The following CLASP1 variants were observed in gnomAD, a reference collection of about 807,000 sequenced individuals.
CLASP1 encodes the protein cytoplasmic linker associated protein 1, also known as CLIP-associating protein 1.
A neutral mutation model predicts 192.3 loss-of-function variants in CLASP1; 38 were observed. The ratio of observed to expected loss-of-function variants is 0.20; its 90% confidence interval spans 0.15 to 0.26. The LOEUF (loss-of-function observed/expected upper bound fraction) is 0.26, where lower values mean the gene tolerates loss of function less well. Ranked by LOEUF, CLASP1 falls within the 10% of genes least tolerant of loss-of-function variation. The pLI, the probability that CLASP1 is intolerant of heterozygous loss-of-function variation, is 1.00. For synonymous variants in CLASP1, 691 were observed against 712.8 expected (o/e 0.97, Z 0.49); for missense variants, 1,433 against 1,932.5 (o/e 0.74, Z 4.85).
chr2:121,435,491 C>G (rs1439067543), intron 19 of CLASP1, among the ~76,000 whole-genome samples: 1 of 152,174 alleles, frequency 6.6e-6, no homozygotes, highest in Non-Finnish European at 1.5e-5. Flanking sequence ...TCAGGCTGGT[C>G]TTGACCTCCC....
chr2:121,348,672 A>G, exon 38 of CLASP1: 1 of 1,613,816 alleles, frequency 6.2e-7, no homozygotes, highest in Non-Finnish European at 8.5e-7. Context: ...CTCCGGGTGG[A>G]TGGAACTGGC....
intron 2 of CLASP1, among the ~76,000 whole-genome samples, chr2:121,545,237 C>A (rs912200647): frequency 5.9e-5 from 9 of 152,112 alleles, no homozygotes; most frequent in Non-Finnish European, 1.0e-4. Context: ...AAAATCAGCA[C>A]AGCAAGGGCA....
intron 30 of CLASP1, 135 bp downstream of exon 31, chr2:121,397,005 G>T: frequency 1.3e-6 from 1 of 775,004 alleles, no homozygotes; most frequent in Non-Finnish European, 2.1e-6. Context: ...GAGCTGGAGA[G>T]AGAAAAGGGC....
chr2:121,376,526 T>TGGGGGGGGGGGGGGGGGGAGGGGG (rs61313144), intron 34 of CLASP1, among the ~76,000 whole-genome samples: 3 of 105,132 alleles, frequency 2.9e-5, no homozygotes, highest in Admixed American at 1.0e-4. Flanking sequence ...TGGGAAGGGG[T>TGGGGGGGGGGGGGGGGGGAGGGGG]GGGGGGGGGG....
At chr2:121,401,586 T>G in exon 28 of CLASP1, 1 of 1,613,196 alleles carries the variant, frequency 6.2e-7, no homozygotes, top group South Asian at 1.1e-5. Flanking sequence ...TAAGTAATTG[T>G]GTGAGAAGAA....
At chr2:121,592,568 T>G (rs1216738880) in intron 2 of CLASP1, among the ~76,000 whole-genome samples, 1 of 152,208 alleles carries the variant, frequency 6.6e-6, no homozygotes, top group Non-Finnish European at 1.5e-5. Flanking sequence ...CAAAAACATA[T>G]GAAGCCAACT....
intron 8 of CLASP1, among the ~76,000 whole-genome samples, chr2:121,491,859 G>C (rs1197572462): frequency 6.6e-6 from 1 of 152,164 alleles, no homozygotes; most frequent in Non-Finnish European, 1.5e-5. Flanking sequence ...TAAAAATTAA[G>C]TCCATGGGTT....
intron 24 of CLASP1, 45 bp downstream of exon 25, chr2:121,410,821 T>C: frequency 8.6e-7 from 1 of 1,160,314 alleles, no homozygotes; most frequent in Non-Finnish European, 1.2e-6. Context: ...GAAATGCAGA[T>C]GAGTATTTCA....
intron 26 of CLASP1, among the ~76,000 whole-genome samples, chr2:121,402,299 A>C (rs1184466113): frequency 2.6e-5 from 4 of 152,234 alleles, no homozygotes; most frequent in Non-Finnish European, 5.9e-5. Flanking sequence ...ATATTAACAT[A>C]ATCATCATGC....
chr2:121,460,114 A>C lies in CLASP1; in HGVS notation c.1044T>G (p.Ile348Met), dbSNP rs1233506613. ...CAGCACCAGCCAAAAGTAAAGATCT[A>C]ATCTTTTTTAGCTAATGGAATAGAG... Residue 348 changes from isoleucine to methionine, a missense_variant, in exon 12 of 40, where the codon ATT (isoleucine) becomes ATG (methionine). Ile to Met is a conservative substitution (Grantham distance 10). Coordinates refer to ENST00000263710, the Ensembl canonical transcript of CLASP1. 2 of 1,611,232 alleles carry C rather than the reference A, an allele frequency of 1.2e-6. No homozygotes were observed. Among genetic ancestry groups the C allele is most frequent in the Admixed American group, 1.7e-5 (1 of 59,444 alleles).
intron 1 of CLASP1, among the ~76,000 whole-genome samples, chr2:121,636,293 G>A (rs373907231): frequency 3.4e-5 from 5 of 149,024 alleles, no homozygotes; most frequent in Middle Eastern, 7.4e-3. Flanking sequence ...CTGAGACTGC[G>A]CCACTGCACT....
chr2:121,396,656 G>A (rs567791339), intron 30 of CLASP1, among the ~76,000 whole-genome samples: 1 of 152,318 alleles, frequency 6.6e-6, no homozygotes, highest in South Asian at 2.1e-4. Flanking sequence ...CAATACTTAA[G>A]TAACATTCCA....
intron 9 of CLASP1, among the ~76,000 whole-genome samples, chr2:121,464,293 C>T (rs1469121532): frequency 1.3e-5 from 2 of 151,932 alleles, no homozygotes; most frequent in East Asian, 1.9e-4. Context: ...GTGAATAGTG[C>T]CGCAATAAAC....
rs2077089807 is a variant in CLASP1, at chr2:121,407,454, C to A, written c.2669+17G>T. The A allele has an allele frequency of 1.2e-6, 2 of 1,613,248 alleles. No individual in the cohort carries two copies. Among genetic ancestry groups the A allele is most frequent in the South Asian group, 1.1e-5 (1 of 90,896 alleles). On this transcript the variant is annotated intron_variant, in intron 25 of 39. Transcript: ENST00000263710. ...AGGAGATTCAAACTTAGCTCATATT[C>A]TTGCTGTGGTCCTCACCTCAGTGTT...
intron 1 of CLASP1, among the ~76,000 whole-genome samples, chr2:121,644,234 T>C (rs2072688277): frequency 6.6e-6 from 1 of 152,002 alleles, no homozygotes; most frequent in African/African-American, 2.4e-5. Flanking sequence ...AGAGCCAGAA[T>C]GCACAAGGAA....
chr2:121,416,352 A>G (rs932531248), intron 23 of CLASP1, among the ~76,000 whole-genome samples: 8 of 152,242 alleles, frequency 5.3e-5, no homozygotes, highest in Admixed American at 1.3e-4. Flanking sequence ...AAATGGTCCA[A>G]AACAATAAAA....
intron 22 of CLASP1, among the ~76,000 whole-genome samples, chr2:121,420,738 T>C (rs538950377): frequency 1.7e-4 from 26 of 152,346 alleles, no homozygotes; most frequent in African/African-American, 6.0e-4. Flanking sequence ...AGTTCATGCT[T>C]AGTTGAGCAT....
intron 2 of CLASP1, among the ~76,000 whole-genome samples, chr2:121,547,126 T>C (rs1272443754): frequency 6.6e-6 from 1 of 152,198 alleles, no homozygotes; most frequent in African/African-American, 2.4e-5. Context: ...CAGACGGTTA[T>C]GTGGGTACCC....
intron 23 of CLASP1, among the ~76,000 whole-genome samples, chr2:121,418,228 G>A (rs1485781409): frequency 1.3e-5 from 2 of 152,186 alleles, no homozygotes; most frequent in East Asian, 3.8e-4. Flanking sequence ...ATTACATATA[G>A]ACTGATCTGT....
Sources: gnomAD v4.1 joint callset for allele counts (sites outside exome capture counted in the v4.1 genomes callset) on GRCh38, gnomAD v4.1.1 for gene constraint, MANE v1.5 for transcripts, NCBI Gene and HGNC (gene_info 2026-07-23, HGNC 2026-07-21) for gene names.